MAP3K15: variants seen among roughly 807,000 people sequenced by gnomAD.
The protein encoded by MAP3K15 is MAPK/ERK kinase kinase 15.
MAP3K15 carries 124 observed loss-of-function variants against 99.5 expected under a neutral mutation model. That is an observed-to-expected ratio of 1.25 (90% CI 1.08 to 1.45). The LOEUF (loss-of-function observed/expected upper bound fraction) is 1.45, where lower values mean the gene tolerates loss of function less well. Among genes scored for constraint, MAP3K15 ranks in the 40% most tolerant of loss-of-function variants. MAP3K15 has a pLI of 0.00. For synonymous variants in MAP3K15, 494 were observed against 439.6 expected, an observed-to-expected ratio of 1.12 and a Z score of -1.55; for missense variants, 1,242 against 1,079.7, an observed-to-expected ratio of 1.15 and a Z score of -2.11.
intron 15 of MAP3K15, among the ~76,000 whole-genome samples, chrX:19,397,392 A>G (rs111697823): frequency 5.4e-5 from 6 of 111,875 alleles, no homozygotes; most frequent in South Asian, 3.8e-4. Flanking sequence ...AACAAATCAT[A>G]GCCATTTTCA....
chrX:19,373,463 G>C (rs1000036487), intron 21 of MAP3K15, 73 bp downstream of exon 21: 179 of 1,119,656 alleles, frequency 1.6e-4, no homozygotes, highest in South Asian at 1.4e-3. Flanking sequence ...GTTGGGACCA[G>C]GGAGGTGCCC....
At chrX:19,480,063 G>C (rs1055324629) in intron 3 of MAP3K15, among the ~76,000 whole-genome samples, 1 of 111,945 alleles carries the variant, frequency 8.9e-6, no homozygotes, top group Non-Finnish European at 1.9e-5. Context: ...ATACACAGGA[G>C]TAAGTGTAAC....
intron 9 of MAP3K15, among the ~76,000 whole-genome samples, chrX:19,415,899 T>C (rs1469388588): frequency 1.8e-5 from 2 of 111,342 alleles, no homozygotes; most frequent in African/African-American, 6.5e-5. Flanking sequence ...TCAAGAAAAA[T>C]ATAAACAAAT....
rs1280949691 is a variant in MAP3K15 at position 19,413,432 on chromosome X, C to A, written c.1623G>T (p.Gln541His). 8.3e-7 allele frequency: 1 copy of A among 1,208,024 alleles called. No homozygotes were observed. Among genetic ancestry groups the A allele is most frequent in the East Asian group, 3.0e-5 (1 of 33,714 alleles). Reference protein sequence around the residue: ...VLVIEPTKVYQPSYVSINNEA... With the variant: ...VLVIEPTKVYHPSYVSINNEA... ...CATTGTTTATGGAAACATAAGAAGG[C>A]TGGTACACTTTGGTTGGCTCTATGA... The change falls in exon 11 of 29, where the codon CAG becomes CAT. Residue 541 changes from glutamine (Q) to histidine (H), a missense_variant. Gln to His is a conservative substitution (Grantham distance 24). Transcript: ENST00000338883.
At chrX:19,495,071 G>C (rs1361908301) in intron 1 of MAP3K15, among the ~76,000 whole-genome samples, 1 of 111,841 alleles carries the variant, frequency 8.9e-6, no homozygotes, top group Non-Finnish European at 1.9e-5. Flanking sequence ...GAGTGCAGTG[G>C]TGCAATCTTG....
rs974885468 is a variant in MAP3K15 at position 19,360,307 on chromosome X, T to G, written c.*442A>C. The stretch of plus-strand genomic sequence containing the variant: ...TTCTGAGGCAGTGTCCCAGCTTCCA[T>G]GTTTGTTAAATACCCCTTGTTTGTT... On this transcript the variant is annotated 3_prime_UTR_variant, in exon 29 of 29. Transcript: ENST00000338883. 1 of 143,094 alleles carries G rather than the reference T, an allele frequency of 7.0e-6. No homozygotes were observed. Among genetic ancestry groups the G allele is most frequent in the African/African-American group, 3.2e-5 (1 of 31,247 alleles). The allele number at this position is 143,094 out of a possible 1,213,427, so 11.8% of individuals were successfully genotyped here.
rs753951124 is a variant in MAP3K15, at chrX:19,464,359, G to C, written c.573C>G (p.Cys191Trp). ...CACTCTCGCAGCAAAAATAATCAGC[G>C]CACGGTGTCACGATGTATGGGATGA... ...YYFIPYIVTP[C>W]ADYFCCESDA... Residue 191 changes from cysteine to tryptophan, a missense_variant, in exon 4 of 29, where the codon TGC (cysteine) becomes TGG (tryptophan). Transcript: ENST00000338883. 36 of 1,195,502 alleles carry C rather than the reference G, an allele frequency of 3.0e-5. No homozygotes were observed. Among genetic ancestry groups the C allele is most frequent in the South Asian group, 5.3e-5 (3 of 56,454 alleles).
At chrX:19,371,576 C>G (rs1485682319) in intron 22 of MAP3K15, 46 bp from the exon 23 acceptor site, 4 of 1,121,110 alleles carry the variant, frequency 3.6e-6, no homozygotes, top group Non-Finnish European at 4.9e-6. Context: ...ATTGAGAGAG[C>G]GAGAGTTCAG....
At position 19,392,045 on chromosome X, in the gene MAP3K15, C is replaced by A. The variant is rs1040624680; in HGVS notation, c.2388G>T (p.Ser796=). 3.3e-6 allele frequency: 4 copies of A among 1,211,129 alleles called. No individual in the cohort carries two copies. The highest frequency in any genetic ancestry group is 4.5e-6 in the Non-Finnish European group (4 of 894,862). ...GVVKISDFGT[S]KRLAGVNPCT... ...AGGGGTTCACACCCGCAAGACGTTT[C>A]GAGGTTCCAAAATCGGAGATTTTCA... Residue 796 remains serine (S), a synonymous_variant, in exon 18 of 29, where the codon TCG becomes TCT. Coordinates refer to ENST00000338883, the MANE Select transcript of MAP3K15 (RefSeq NM_001001671.4).
At chrX:19,484,520 C>G (rs1214971039) in intron 3 of MAP3K15, among the ~76,000 whole-genome samples, 1 of 111,707 alleles carries the variant, frequency 9.0e-6, no homozygotes, top group African/African-American at 3.3e-5. Flanking sequence ...CTTGGAATTA[C>G]TAAGAATGTT....
At chrX:19,415,689 T>C (rs367815571) in intron 9 of MAP3K15, among the ~76,000 whole-genome samples, 4 of 110,766 alleles carry the variant, frequency 3.6e-5, no homozygotes, top group East Asian at 2.8e-4. Context: ...TTGAAAAACT[T>C]TGCAGATAAA....
chrX:19,427,344 T>C (rs750987320), intron 7 of MAP3K15, among the ~76,000 whole-genome samples: 57 of 111,191 alleles, frequency 5.1e-4, no homozygotes, highest in African/African-American at 1.9e-3. Context: ...CAATTATGCA[T>C]TGAGTATTTT....
At chrX:19,484,673 G>A (rs1006243814) in intron 3 of MAP3K15, among the ~76,000 whole-genome samples, 3 of 111,877 alleles carry the variant, frequency 2.7e-5, no homozygotes, top group African/African-American at 9.7e-5. Context: ...AATGGAGAAA[G>A]AAAACGAGTT....
At chrX:19,484,465 C>T (rs1440309129) in intron 3 of MAP3K15, among the ~76,000 whole-genome samples, 1 of 111,624 alleles carries the variant, frequency 9.0e-6, no homozygotes, top group South Asian at 3.8e-4. Flanking sequence ...TAAGTTTATT[C>T]CTAAAAAGCA....
intron 3 of MAP3K15, among the ~76,000 whole-genome samples, chrX:19,480,030 G>T (rs733494): frequency 7.0e-4 from 78 of 111,363 alleles, no homozygotes; most frequent in East Asian, 3.1e-3. Context: ...AATTCCATTC[G>T]CAAGAGTATC....
At chrX:19,459,656 C>A (rs752381807) in intron 5 of MAP3K15, among the ~76,000 whole-genome samples, 90 of 112,018 alleles carry the variant, frequency 8.0e-4, no homozygotes, top group African/African-American at 2.9e-3. Context: ...TTAAGACCAG[C>A]CTGACCAACA....
At chrX:19,447,056 T>TA (rs2064003595) in intron 6 of MAP3K15, among the ~76,000 whole-genome samples, 1 of 110,622 alleles carries the variant, frequency 9.0e-6, no homozygotes, top group Non-Finnish European at 1.9e-5. Flanking sequence ...GCTGGGACTA[T>TA]AGTTGTACAC....
At chrX:19,384,749 GA>G (rs34619145) in intron 18 of MAP3K15, among the ~76,000 whole-genome samples, 1,851 of 22,492 alleles carry the variant, frequency 0.082, 15 homozygotes, top group African/African-American at 0.14. Context: ...TGTCTCAGGG[GA>G]AAAAAAAAAA....
In MAP3K15 at chrX:19,361,564, C is replaced by A. The variant is rs368526609; in HGVS notation, c.3709G>T (p.Gly1237Trp). 9.9e-6 allele frequency: 12 copies of A among 1,208,838 alleles called. No homozygotes were observed. Among genetic ancestry groups the A allele is most frequent in the African/African-American group, 7.0e-5 (4 of 57,375 alleles). Residue 1237 changes from glycine to tryptophan, a missense_variant, in exon 27 of 29, where the codon GGG (glycine) becomes TGG (tryptophan). Coordinates refer to ENST00000338883, the MANE Select transcript of MAP3K15 (RefSeq NM_001001671.4). ...CITENPAGPY[G>W]QRTDKELIDW... ...ATAAGCTCTTTATCTGTTCTCTGCC[C>A]GTAGGGGCCTGCTGGGTTCTCTGTA...
Sources: allele counts gnomAD v4.1 joint callset (sites outside exome capture counted in the v4.1 genomes callset), GRCh38; gene constraint gnomAD v4.1.1; transcripts MANE v1.5; gene names NCBI Gene and HGNC (gene_info 2026-07-23, HGNC 2026-07-21).